Variants in RALGAPA2 observed in about 807,000 individuals in gnomAD.
RALGAPA2 encodes ral GTPase-activating protein subunit alpha-2.
In RALGAPA2, 139 loss-of-function variants were observed where a neutral mutation model predicts 230.4. The ratio of observed to expected loss-of-function variants is 0.60; its 90% CI spans 0.53 to 0.69. RALGAPA2 has a LOEUF of 0.69. RALGAPA2 is among the 30% of genes least tolerant of loss of function. RALGAPA2 has a pLI of 0.00. For synonymous variants in RALGAPA2, 847 were observed against 837.8 expected, an observed-to-expected ratio of 1.01 and a Z score of -0.19; for missense variants, 2,163 against 2,276.0, an observed-to-expected ratio of 0.95 and a Z score of 1.01.
chr20:20,652,213 T>G (rs1443924102), intron 4 of RALGAPA2, among the ~76,000 whole-genome samples: 1 of 152,166 alleles, frequency 6.6e-6, no homozygotes, highest in Non-Finnish European at 1.5e-5. Context: ...ATTTAGAATT[T>G]TGGAATATCC....
At position 20,507,861 on chromosome 20, in the gene RALGAPA2, G is replaced by GTC. The variant is rs1264844767; in HGVS notation, c.4929-2329_4929-2328dup. Among the ~76,000 whole-genome samples, 3 of 152,210 alleles carry GTC rather than the reference G, an allele frequency of 2.0e-5. No individual in the cohort carries two copies. The East Asian group carries it at 5.8e-4, about 29-fold the overall frequency. On this transcript the variant is annotated intron_variant, in intron 33 of 39. Transcript: ENST00000202677. Reference sequence around the variant, plus strand: ...ACCATAACCTATGACCTAAAAGACTGTCTCTTTCAACAAAAGTGGAGAAGT... The same window carrying GTC: ...ACCATAACCTATGACCTAAAAGACTGTCTCTCTTTCAACAAAAGTGGAGAAGT...
At chr20:20,405,473 G>C (rs2059926473) in intron 38 of RALGAPA2, among the ~76,000 whole-genome samples, 1 of 152,206 alleles carries the variant, frequency 6.6e-6, no homozygotes, top group African/African-American at 2.4e-5. Flanking sequence ...CCACGTCAGA[G>C]ATGGTAACAT....
chr20:20,653,036 C>T (rs2067458708), intron 4 of RALGAPA2, among the ~76,000 whole-genome samples: 1 of 145,606 alleles, frequency 6.9e-6, no homozygotes, highest in Non-Finnish European at 1.5e-5. Context: ...ACTAAAAATA[C>T]AAAAAAAAAA....
At chr20:20,620,412 T>C in intron 11 of RALGAPA2, 51 bp downstream of exon 11, 1 of 1,574,344 alleles carries the variant, frequency 6.4e-7, no homozygotes, top group Non-Finnish European at 8.7e-7. Flanking sequence ...GCAAGTATAC[T>C]TTACTAAAAT....
intron 7 of RALGAPA2, among the ~76,000 whole-genome samples, chr20:20,638,290 C>A (rs1453109334): frequency 6.6e-6 from 1 of 152,178 alleles, no homozygotes; most frequent in Non-Finnish European, 1.5e-5. Context: ...ACAGAGCACT[C>A]TAAAGCAGGG....
At chr20:20,542,699 C>G (rs1166373190) in intron 24 of RALGAPA2, among the ~76,000 whole-genome samples, 1 of 152,146 alleles carries the variant, frequency 6.6e-6, no homozygotes, top group Non-Finnish European at 1.5e-5. Context: ...TGAAAACTGG[C>G]TAGCCATATG....
intron 36 of RALGAPA2, among the ~76,000 whole-genome samples, chr20:20,477,190 T>C (rs2061673011): frequency 6.6e-6 from 1 of 152,226 alleles, no homozygotes; most frequent in Non-Finnish European, 1.5e-5. Flanking sequence ...ATACTTACAA[T>C]TTGTGTCCTT....
chr20:20,690,042 T>C (rs777227397), intron 1 of RALGAPA2, among the ~76,000 whole-genome samples: 21 of 152,200 alleles, frequency 1.4e-4, no homozygotes, highest in Non-Finnish European at 3.1e-4. Context: ...TTATAGAATT[T>C]CTGCAAAGCT....
At chr20:20,656,748 C>T (rs952674126) in intron 3 of RALGAPA2, among the ~76,000 whole-genome samples, 6 of 152,172 alleles carry the variant, frequency 3.9e-5, no homozygotes, top group South Asian at 4.1e-4. Context: ...ACTCAAACAT[C>T]CCCATGGGCA....
intron 11 of RALGAPA2, 110 bp downstream of exon 11, chr20:20,620,353 A>G: frequency 8.6e-7 from 1 of 1,161,186 alleles, no homozygotes; most frequent in Non-Finnish European, 1.2e-6. Flanking sequence ...CAGATGGGAT[A>G]AAAAAGAGAT....
chr20:20,503,300 C>T, intron 35 of RALGAPA2, 51 bp downstream of exon 35: 1 of 1,411,500 alleles, frequency 7.1e-7, no homozygotes, highest in Non-Finnish European at 9.6e-7. Context: ...CTAGGAGAGC[C>T]TCACCTACAA....
intron 4 of RALGAPA2, among the ~76,000 whole-genome samples, chr20:20,653,225 A>AAAAAAAAAAAC (rs2067469761): frequency 7.0e-6 from 1 of 143,636 alleles, no homozygotes; most frequent in Non-Finnish European, 1.5e-5. Context: ...AAAAAAAAAA[A>AAAAAAAAAAAC]TACACACTAC....
intron 37 of RALGAPA2, among the ~76,000 whole-genome samples, chr20:20,436,427 G>A (rs896357009): frequency 6.6e-6 from 1 of 151,042 alleles, no homozygotes; most frequent in African/African-American, 2.4e-5. Flanking sequence ...GCTCAAACAC[G>A]TTACTTATCT....
At chr20:20,560,258 C>CT (rs1168561561) in intron 23 of RALGAPA2, among the ~76,000 whole-genome samples, 1 of 152,208 alleles carries the variant, frequency 6.6e-6, no homozygotes, top group Non-Finnish European at 1.5e-5. Flanking sequence ...TAGACTCCAG[C>CT]ACACAGGAAA....
intron 23 of RALGAPA2, among the ~76,000 whole-genome samples, chr20:20,556,780 A>G (rs2064096430): frequency 6.6e-6 from 1 of 152,172 alleles, no homozygotes; most frequent in African/African-American, 2.4e-5. Context: ...GCCAAAGCTC[A>G]GGGATAAGTC....
chr20:20,445,747 A>G (rs796246212), intron 37 of RALGAPA2, among the ~76,000 whole-genome samples: 2 of 152,340 alleles, frequency 1.3e-5, no homozygotes, highest in African/African-American at 4.8e-5. Flanking sequence ...CATTATAAAT[A>G]AATTTAATTG....
intron 16 of RALGAPA2, among the ~76,000 whole-genome samples, chr20:20,594,364 T>C (rs1163509724): frequency 1.3e-5 from 2 of 152,176 alleles, no homozygotes; most frequent in Non-Finnish European, 2.9e-5. Context: ...GCAATTTATG[T>C]TAAATCTGCT....
Position 20,694,720 on chromosome 20 carries a change from G to A in RALGAPA2, c.107-13919C>T, listed in dbSNP as rs372315694. Among the ~76,000 whole-genome samples the A allele has an allele frequency of 5.0e-4, 76 of 152,302 alleles. 2 individuals are homozygous for A. The South Asian group carries it at 0.016, about 31-fold the overall frequency. ...CAAGGCTTTAAGTCAAAAACACAGT[G>A]TTAGACCATGCAGATGACTATTCAT... On this transcript the variant is annotated intron_variant, in intron 1 of 39. Transcript: ENST00000202677.
chr20:20,649,883 T>C (rs897303311), intron 4 of RALGAPA2, among the ~76,000 whole-genome samples: 2 of 152,202 alleles, frequency 1.3e-5, no homozygotes, highest in Admixed American at 6.5e-5. Flanking sequence ...TCAGTTCTAA[T>C]TATTGCCCAG....
Sources: gnomAD v4.1 joint callset for allele counts (sites outside exome capture counted in the v4.1 genomes callset) on GRCh38, gnomAD v4.1.1 for gene constraint, MANE v1.5 for transcripts, NCBI Gene and HGNC (gene_info 2026-07-23, HGNC 2026-07-21) for gene names.